The following BPIFC variants were observed in gnomAD, a reference collection of about 807,000 sequenced individuals.
BPIFC encodes BPI fold containing family C.
A neutral mutation model predicts 57.6 loss-of-function variants in BPIFC; 60 were observed. The observed-to-expected ratio is 1.04, with a 90% confidence interval of 0.85 to 1.29. The LOEUF (loss-of-function observed/expected upper bound fraction) is 1.29, where lower values mean the gene tolerates loss of function less well. BPIFC is among the 50% of genes most tolerant of loss of function. The probability of loss-of-function intolerance (pLI) is 0.00; values close to 1 mark genes in which losing one functional copy is unlikely to be tolerated. For missense variants in BPIFC, 581 were observed against 600.5 expected (o/e 0.97, Z 0.34); for synonymous variants, 243 against 224.5 (o/e 1.08, Z -0.74).
At chr22:32,463,593 A>G (rs1400283979) in intron 1 of BPIFC, among the ~76,000 whole-genome samples, 1 of 152,208 alleles carries the variant, frequency 6.6e-6, no homozygotes, top group Non-Finnish European at 1.5e-5. Flanking sequence ...CGATTAAGGG[A>G]GTAATGAATG....
intron 2 of BPIFC, among the ~76,000 whole-genome samples, chr22:32,460,358 T>C (rs1935136083): frequency 1.3e-5 from 2 of 152,226 alleles, no homozygotes; most frequent in South Asian, 4.1e-4. Context: ...TTTTGTCTAG[T>C]GCACAAACTC....
chr22:32,437,891 T>C (rs1260127493), intron 8 of BPIFC, 40 bp from the exon 9 acceptor site: 1 of 1,221,280 alleles, frequency 8.2e-7, no homozygotes, highest in Non-Finnish European at 1.2e-6. Context: ...CCATATTCAT[T>C]AAAGGCATAG....
chr22:32,432,471 G>A lies in BPIFC; in HGVS notation c.1051C>T (p.Leu351=). 1 of 1,614,128 alleles carries A rather than the reference G, an allele frequency of 6.2e-7. No homozygotes were observed. Among genetic ancestry groups the A allele is most frequent in the Non-Finnish European group, 8.5e-7 (1 of 1,180,010 alleles). Residue 351 remains leucine (L), a synonymous_variant, in exon 12 of 17, where the codon CTA becomes TTA. Transcript: ENST00000300399. ...TCCAGGGTGAAATTGCCTGGTTGTA[G>A]ATTGATTATGGGAGGCTCTGTGGCC... ...IMATEPPIIN[L]QPGNFTLDIP... is the part of the protein sequence containing the mutation.
intron 2 of BPIFC, among the ~76,000 whole-genome samples, chr22:32,459,915 G>T (rs1935128585): frequency 6.6e-6 from 1 of 152,054 alleles, no homozygotes; most frequent in Non-Finnish European, 1.5e-5. Context: ...GATAGAGGGA[G>T]GGGTCAGGCC....
intron 4 of BPIFC, among the ~76,000 whole-genome samples, chr22:32,448,643 G>A (rs1460006059): frequency 6.6e-6 from 1 of 152,020 alleles, no homozygotes; most frequent in African/African-American, 2.4e-5. Context: ...TGCATTATAA[G>A]AAATTATTAT....
chr22:32,437,411 GAT>G (rs1934439458), intron 9 of BPIFC, among the ~76,000 whole-genome samples: 1 of 151,930 alleles, frequency 6.6e-6, no homozygotes, highest in Non-Finnish European at 1.5e-5. Context: ...GTTTTTTTGA[GAT>G]AGAGTCTTGC....
intron 13 of BPIFC, among the ~76,000 whole-genome samples, chr22:32,421,017 G>A (rs975365970): frequency 1.2e-4 from 19 of 152,292 alleles, no homozygotes; most frequent in Admixed American, 1.1e-3. Context: ...AGCACATAAT[G>A]TCCTTGATGT....
intron 5 of BPIFC, chr22:32,446,717 G>T: frequency 1.0e-6 from 1 of 982,130 alleles, no homozygotes; most frequent in Non-Finnish European, 1.2e-6. Context: ...ATTGCAACTG[G>T]CCTGTAAAAG....
rs548619699 is a variant in BPIFC, at chr22:32,442,700, G to A, written c.626C>T (p.Ala209Val). The A allele has an allele frequency of 7.1e-5, 114 of 1,613,952 alleles. No individual in the cohort carries two copies. In the South Asian group the frequency reaches 7.9e-4, roughly 11 times the overall value. Residue 209 changes from alanine to valine, a missense_variant, in exon 8 of 17, where the codon GCG (alanine) becomes GTG (valine). By Grantham distance (64) the Ala-to-Val change is moderately conservative. Transcript: ENST00000300399. ...LCPIIASEVKALNANLSTLEV... is the reference protein window; with the variant it reads ...LCPIIASEVKVLNANLSTLEV... Reference sequence around the variant, plus strand: ...CAGTGTGCTGAGGTTGGCATTTAGCGCTTTGACTTCACTTGCAATAATGGG... The same window carrying A: ...CAGTGTGCTGAGGTTGGCATTTAGCACTTTGACTTCACTTGCAATAATGGG...
chr22:32,424,499 C>T (rs1380950075), intron 13 of BPIFC, among the ~76,000 whole-genome samples: 1 of 151,586 alleles, frequency 6.6e-6, no homozygotes, highest in Non-Finnish European at 1.5e-5. Context: ...CTTAGCGTGA[C>T]TCCATGCTTA....
intron 4 of BPIFC, among the ~76,000 whole-genome samples, chr22:32,452,964 C>T (rs1456055799): frequency 6.6e-6 from 1 of 152,162 alleles, no homozygotes; most frequent in Non-Finnish European, 1.5e-5. Flanking sequence ...CCTGAACATT[C>T]CTGATTTTAT....
At chr22:32,418,295 ATTTG>A (rs1933742886) in intron 14 of BPIFC, among the ~76,000 whole-genome samples, 3 of 152,100 alleles carry the variant, frequency 2.0e-5, no homozygotes, top group Non-Finnish European at 2.9e-5. Flanking sequence ...TAAACACTAT[ATTTG>A]TTTGTTTGTT....
chr22:32,453,533 A>G (rs1470855236), intron 3 of BPIFC, 30 bp from the exon 4 acceptor site: 2 of 1,557,588 alleles, frequency 1.3e-6, no homozygotes, highest in African/African-American at 2.8e-5. Context: ...GAATCTGTTG[A>G]TAATGACAAA....
At chr22:32,431,279 AC>A in intron 13 of BPIFC, 67 bp downstream of exon 13, 1 of 1,336,634 alleles carries the variant, frequency 7.5e-7, no homozygotes, top group Non-Finnish European at 1.1e-6. Flanking sequence ...CTTAATGGTC[AC>A]TTTGTCTCTG....
intron 12 of BPIFC, 149 bp downstream of exon 12, chr22:32,432,224 G>A: frequency 3.6e-6 from 3 of 834,226 alleles, no homozygotes; most frequent in Non-Finnish European, 5.5e-6. Context: ...GGAATTATAG[G>A]CATGAGCCAT....
chr22:32,432,487 C>T lies in BPIFC; in HGVS notation c.1035G>A (p.Glu345=), dbSNP rs374301481. The change falls in exon 12 of 17, where the codon GAG becomes GAA. Residue 345 remains glutamate (E), a synonymous_variant. Transcript: ENST00000300399. ...CTGGTTGTAGATTGATTATGGGAGG[C>T]TCTGTGGCCATGATCCTCACCATGA... ...QPFMVRIMAT[E]PPIINLQPGN... 1.5e-5 allele frequency: 24 copies of T among 1,613,936 alleles called. No individual in the cohort carries two copies. The highest frequency in any genetic ancestry group is 1.6e-4 in the Middle Eastern group (1 of 6,070).
At chr22:32,449,177 G>A (rs1329321816) in intron 4 of BPIFC, among the ~76,000 whole-genome samples, 2 of 152,102 alleles carry the variant, frequency 1.3e-5, no homozygotes, top group African/African-American at 2.4e-5. Context: ...TCTTCACCAC[G>A]AGGCTATGCC....
At chr22:32,455,827 C>T (rs1332632765) in intron 3 of BPIFC, among the ~76,000 whole-genome samples, 1 of 152,182 alleles carries the variant, frequency 6.6e-6, no homozygotes. Context: ...GCCCAGAAAG[C>T]ACATTCAAAG....
At chr22:32,443,196 C>T (rs1323338985) in intron 7 of BPIFC, among the ~76,000 whole-genome samples, 15 of 149,168 alleles carry the variant, frequency 1.0e-4, no homozygotes, top group African/African-American at 3.7e-4. Flanking sequence ...CGAAGTCTCG[C>T]TCTGTCACCC....
Sources: allele counts gnomAD v4.1 joint callset (sites outside exome capture counted in the v4.1 genomes callset), GRCh38; gene constraint gnomAD v4.1.1; transcripts MANE v1.5; gene names NCBI Gene and HGNC (gene_info 2026-07-23, HGNC 2026-07-21).